Variants in BCAR3 observed in about 807,000 individuals in gnomAD.
BCAR3 encodes the protein breast cancer anti-estrogen resistance protein 3.
Under a neutral mutation model 80.1 loss-of-function variants are expected in BCAR3, and 37 were observed. The ratio of observed to expected loss-of-function variants is 0.46; its 90% CI spans 0.36 to 0.61. The LOEUF (loss-of-function observed/expected upper bound fraction) is 0.61, where lower values mean the gene tolerates loss of function less well. Among genes scored for constraint, BCAR3 ranks in the 20% least tolerant of loss-of-function variants. BCAR3 has a pLI of 0.00. For synonymous variants in BCAR3, 389 were observed against 418.9 expected (o/e 0.93, Z 0.87); for missense variants, 978 against 1,068.2 (o/e 0.92, Z 1.18).
chr1:93,753,949 C>T (rs528442434), intron 2 of BCAR3: 1 of 152,336 alleles, frequency 6.6e-6, no homozygotes, highest in Non-Finnish European at 1.5e-5. Flanking sequence ...CTAAGATGCT[C>T]CTCCCAGGGA....
chr1:93,675,925 C>CAAAAAAAAAAAAAA lies in BCAR3; in HGVS notation c.-11-998_-11-985dup, dbSNP rs58706715. On this transcript the variant is annotated intron_variant, in intron 1 of 11. Transcript: ENST00000260502. Reference sequence around the variant, plus strand: ...CACACAGAGGAAAAGAAATAGGAGACAAAAAAAAAAAAAAAAAAAAAAAAA... The same window carrying CAAAAAAAAAAAAAA: ...CACACAGAGGAAAAGAAATAGGAGACAAAAAAAAAAAAAAAAAAAAAAAAAAAAAAAAAAAAAAA... Among the ~76,000 whole-genome samples, 244 of 51,444 alleles carry CAAAAAAAAAAAAAA rather than the reference C, an allele frequency of 4.7e-3. 20 individuals carry two copies. Among genetic ancestry groups the CAAAAAAAAAAAAAA allele is most frequent in the African/African-American group, 0.012 (235 of 19,046 alleles). 33.7% of individuals were successfully genotyped at this position (51,444 alleles called of 152,430 possible). A position where few individuals can be genotyped will look rare whatever the true frequency, so the allele number is the denominator to read the frequency against.
At chr1:93,803,008 C>T (rs1177421796) in intron 2 of BCAR3, among the ~76,000 whole-genome samples, 1 of 152,190 alleles carries the variant, frequency 6.6e-6, no homozygotes, top group Non-Finnish European at 1.5e-5. Flanking sequence ...TTAATCTTCT[C>T]CGTCTCAGGA....
intron 3 of BCAR3, among the ~76,000 whole-genome samples, chr1:93,606,288 T>C (rs779921645): frequency 3.9e-5 from 6 of 152,210 alleles, no homozygotes; most frequent in African/African-American, 1.4e-4. Flanking sequence ...AGACACAAGA[T>C]ACTCAACCCA....
chr1:93,772,780 A>T (rs1571116018), intron 2 of BCAR3, among the ~76,000 whole-genome samples: 1 of 151,902 alleles, frequency 6.6e-6, no homozygotes, highest in African/African-American at 2.4e-5. Flanking sequence ...TAATTTTTGT[A>T]TTTTTAACAG....
intron 2 of BCAR3, chr1:93,723,492 C>T (rs1321069614): frequency 2.0e-5 from 3 of 152,466 alleles, no homozygotes. Flanking sequence ...CTCCTCGCTC[C>T]AGGGTCCTCA....
chr1:93,574,634 C>T (rs370043661), intron 8 of BCAR3, among the ~76,000 whole-genome samples: 10 of 152,182 alleles, frequency 6.6e-5, no homozygotes, highest in African/African-American at 1.7e-4. Flanking sequence ...CTGGAACCTG[C>T]GGCCTTTCAG....
At chr1:93,736,200 T>C (rs1257013455) in intron 2 of BCAR3, among the ~76,000 whole-genome samples, 5 of 152,240 alleles carry the variant, frequency 3.3e-5, no homozygotes, top group African/African-American at 7.2e-5. Flanking sequence ...TTATTTTTTG[T>C]TTTTGAGATG....
intron 2 of BCAR3, among the ~76,000 whole-genome samples, chr1:93,739,166 G>A (rs1347081591): frequency 1.3e-5 from 2 of 152,174 alleles, no homozygotes; most frequent in Non-Finnish European, 2.9e-5. Flanking sequence ...TTTCCCCAGG[G>A]AAATTGTCCT....
intron 2 of BCAR3, among the ~76,000 whole-genome samples, chr1:93,767,015 A>G (rs191794878): frequency 4.8e-4 from 72 of 151,462 alleles, no homozygotes; most frequent in African/African-American, 1.7e-3. Flanking sequence ...CTAGGCAGCA[A>G]ATGTGTGACA....
chr1:93,579,958 G>T (rs548480150), intron 7 of BCAR3, among the ~76,000 whole-genome samples: 1 of 152,218 alleles, frequency 6.6e-6, no homozygotes, highest in East Asian at 1.9e-4. Context: ...CGCAAATTGC[G>T]TGACTACCTG....
chr1:93,658,497 C>T (rs1298322574), intron 2 of BCAR3, among the ~76,000 whole-genome samples: 1 of 151,318 alleles, frequency 6.6e-6, no homozygotes, highest in African/African-American at 2.4e-5. Flanking sequence ...AAAAAAAATA[C>T]AAAAATTAGC....
At chr1:93,842,711 C>G (rs987081933) in intron 2 of BCAR3, among the ~76,000 whole-genome samples, 2 of 152,196 alleles carry the variant, frequency 1.3e-5, no homozygotes, top group Non-Finnish European at 2.9e-5. Context: ...TATCTTGAAT[C>G]AAGTCTGCCC....
intron 9 of BCAR3, among the ~76,000 whole-genome samples, chr1:93,570,970 G>A (rs781292098): frequency 6.6e-6 from 1 of 152,174 alleles, no homozygotes; most frequent in East Asian, 1.9e-4. Context: ...TTGGGAGGCC[G>A]AGGTGGGCAG....
intron 2 of BCAR3, among the ~76,000 whole-genome samples, chr1:93,777,137 G>A (rs1449772613): frequency 1.3e-5 from 2 of 152,112 alleles, no homozygotes; most frequent in African/African-American, 4.8e-5. Flanking sequence ...ACAAAAGGAA[G>A]AATTCTTTTC....
intron 3 of BCAR3, among the ~76,000 whole-genome samples, chr1:93,607,702 T>G (rs772645288): frequency 6.6e-6 from 1 of 152,034 alleles, no homozygotes; most frequent in Non-Finnish European, 1.5e-5. Context: ...AGCTCCCGTA[T>G]AGGAAGCTCT....
intron 2 of BCAR3, among the ~76,000 whole-genome samples, chr1:93,829,985 A>G (rs942983203): frequency 3.6e-4 from 55 of 152,110 alleles, no homozygotes; most frequent in Non-Finnish European, 1.2e-4. Flanking sequence ...TTAAAAATGT[A>G]TAGCTCCTCC....
In BCAR3 at chr1:93,591,168, T is replaced by A. The variant is rs867984268; in HGVS notation, c.486+1097A>T. Among the ~76,000 whole-genome samples the A allele has an allele frequency of 1.5e-4, 10 of 66,328 alleles. No homozygotes were observed. In the South Asian group the frequency reaches 3.6e-3, roughly 24 times the overall value. 43.5% of individuals were successfully genotyped at this position (66,328 alleles called of 152,430 possible). ...GATTGTGCCAAGAAATCTACTACAT[T>A]AAAAAAAAAAAAAAAAAAAAAAAAG... On this transcript the variant is annotated intron_variant, in intron 4 of 11. Coordinates refer to ENST00000260502, the MANE Select transcript of BCAR3 (RefSeq NM_003567.4).
intron 2 of BCAR3, among the ~76,000 whole-genome samples, chr1:93,826,849 T>G (rs578149713): frequency 1.3e-5 from 2 of 152,160 alleles, no homozygotes; most frequent in African/African-American, 4.8e-5. Context: ...TAAATGCCTA[T>G]GTGTACCTGG....
chr1:93,814,365 C>T (rs1320367524), intron 2 of BCAR3, among the ~76,000 whole-genome samples: 2 of 152,208 alleles, frequency 1.3e-5, no homozygotes, highest in Non-Finnish European at 2.9e-5. Context: ...CTTATTGAAC[C>T]TCAATTTCCA....
Sources: gnomAD v4.1 joint callset for allele counts (sites outside exome capture counted in the v4.1 genomes callset) on GRCh38, gnomAD v4.1.1 for gene constraint, MANE v1.5 for transcripts, NCBI Gene and HGNC (gene_info 2026-07-23, HGNC 2026-07-21) for gene names.